The following TMEM123 variants were observed in gnomAD, a reference collection of about 807,000 sequenced individuals.
TMEM123 encodes porimin.
TMEM123 carries 16 observed loss-of-function variants against 19.7 expected under a neutral mutation model. That is an observed-to-expected ratio of 0.81 (90% confidence interval 0.55 to 1.23). TMEM123 has a LOEUF of 1.23. Among genes scored for constraint, TMEM123 ranks in the 50% most tolerant of loss-of-function variants. The probability of loss-of-function intolerance (pLI) is 0.00; values close to 1 mark genes in which losing one functional copy is unlikely to be tolerated. For synonymous variants in TMEM123, 118 were observed against 99.4 expected (o/e 1.19, Z -1.12); for missense variants, 313 against 257.8 (o/e 1.21, Z -1.47).
chr11:102,410,378 G>C (rs1396861660), intron 2 of TMEM123, among the ~76,000 whole-genome samples: 1 of 152,120 alleles, frequency 6.6e-6, no homozygotes, highest in Admixed American at 6.5e-5. Context: ...CTTCCTAGGG[G>C]ATGAGACTAC....
At chr11:102,444,077 G>A (rs768615431) in intron 2 of TMEM123, among the ~76,000 whole-genome samples, 1 of 152,174 alleles carries the variant, frequency 6.6e-6, no homozygotes, top group East Asian at 1.9e-4. Context: ...GGAGACATAG[G>A]AACACTTTTA....
At chr11:102,441,923 C>G (rs1266857578) in intron 2 of TMEM123, among the ~76,000 whole-genome samples, 2 of 152,138 alleles carry the variant, frequency 1.3e-5, no homozygotes, top group Non-Finnish European at 2.9e-5. Flanking sequence ...CTATAAACAC[C>G]TCTACGCAAA....
intron 2 of TMEM123, among the ~76,000 whole-genome samples, chr11:102,408,789 G>T (rs1951977738): frequency 1.3e-5 from 2 of 152,154 alleles, no homozygotes; most frequent in South Asian, 4.2e-4. Flanking sequence ...CACACTACTG[G>T]GATATTTTTG....
chr11:102,441,809 CTAAT>C (rs917253226), intron 2 of TMEM123, among the ~76,000 whole-genome samples: 4 of 150,874 alleles, frequency 2.7e-5, no homozygotes, highest in African/African-American at 9.7e-5. Context: ...ACTAGCAAGA[CTAAT>C]AAAGAAGAAA....
chr11:102,446,532 T>C (rs75681811), intron 2 of TMEM123, among the ~76,000 whole-genome samples: 4 of 152,226 alleles, frequency 2.6e-5, no homozygotes, highest in Admixed American at 1.3e-4. Flanking sequence ...GCAAAATGTA[T>C]ATATTAGTGT....
intron 2 of TMEM123, among the ~76,000 whole-genome samples, chr11:102,405,738 CAA>C (rs1181146226): frequency 6.6e-6 from 1 of 152,108 alleles, no homozygotes; most frequent in Non-Finnish European, 1.5e-5. Flanking sequence ...AGATACTGTA[CAA>C]AGTCACATGG....
chr11:102,417,807 G>A (rs939688144), intron 2 of TMEM123, among the ~76,000 whole-genome samples: 3 of 152,036 alleles, frequency 2.0e-5, no homozygotes, highest in Middle Eastern at 3.4e-3. Context: ...CGGAACAATG[G>A]AACAGGTTAG....
intron 2 of TMEM123, among the ~76,000 whole-genome samples, chr11:102,405,126 G>A (rs932050402): frequency 6.6e-6 from 1 of 150,802 alleles, no homozygotes; most frequent in Non-Finnish European, 1.5e-5. Context: ...TCAGCTCATT[G>A]CAAGCTCCGC....
chr11:102,416,270 A>G (rs771263506), intron 2 of TMEM123, among the ~76,000 whole-genome samples: 9 of 152,188 alleles, frequency 5.9e-5, no homozygotes, highest in Non-Finnish European at 1.0e-4. Flanking sequence ...AGCTAGACTA[A>G]TAAAGAAAAA....
At chr11:102,425,497 C>T (rs1952118344) in intron 2 of TMEM123, among the ~76,000 whole-genome samples, 1 of 151,250 alleles carries the variant, frequency 6.6e-6, no homozygotes, top group Non-Finnish European at 1.5e-5. Flanking sequence ...GTCTGTTTTT[C>T]GTTTGTCCAT....
rs571642802 is a variant in TMEM123, at chr11:102,439,713, GAGA to G, written c.157+9096_157+9098del. On this transcript the variant is annotated intron_variant, in intron 2 of 4. Coordinates refer to ENST00000398136, the MANE Select transcript of TMEM123 (RefSeq NM_052932.3). Reference sequence around the variant, plus strand: ...ACGGAGAATGACTTTGACGAGTTGAGAGAAGAAGGCTTCAGACGATCGGTAATA... The same window carrying G: ...ACGGAGAATGACTTTGACGAGTTGAGAGAAGGCTTCAGACGATCGGTAATA... Among the ~76,000 whole-genome samples the G allele has an allele frequency of 3.5e-4, 54 of 152,356 alleles. No homozygotes were observed. The East Asian group carries it at 8.1e-3, about 23-fold the overall frequency.
At chr11:102,438,369 A>T (rs1053496590) in intron 2 of TMEM123, among the ~76,000 whole-genome samples, 3 of 152,128 alleles carry the variant, frequency 2.0e-5, no homozygotes, top group African/African-American at 7.2e-5. Context: ...TTTTAATCAC[A>T]ACCCAAAATC....
intron 2 of TMEM123, among the ~76,000 whole-genome samples, chr11:102,416,175 A>T (rs1362978723): frequency 6.6e-6 from 1 of 152,198 alleles, no homozygotes; most frequent in Non-Finnish European, 1.5e-5. Context: ...CTGGCCTCCC[A>T]AAGTGTTGGG....
At chr11:102,409,349 A>G (rs1951982579) in intron 2 of TMEM123, among the ~76,000 whole-genome samples, 1 of 152,176 alleles carries the variant, frequency 6.6e-6, no homozygotes, top group Non-Finnish European at 1.5e-5. Context: ...TTTTTAAAAC[A>G]TGAAAACCTT....
chr11:102,431,895 C>T (rs914699768), intron 2 of TMEM123, among the ~76,000 whole-genome samples: 15 of 152,120 alleles, frequency 9.9e-5, no homozygotes, highest in African/African-American at 2.2e-4. Flanking sequence ...GTTTTTTAAG[C>T]GTCTGGCATC....
intron 2 of TMEM123, among the ~76,000 whole-genome samples, chr11:102,422,285 C>A (rs955268066): frequency 6.6e-6 from 1 of 152,078 alleles, no homozygotes; most frequent in Non-Finnish European, 1.5e-5. Context: ...ATCAGCCTGG[C>A]CAACATGACG....
rs1343957213 is a variant in TMEM123 at position 102,401,552 on chromosome 11, G to A, written c.589C>T (p.Arg197Trp). 4 of 1,583,264 alleles carry A rather than the reference G, an allele frequency of 2.5e-6. No individual in the cohort carries two copies. Among genetic ancestry groups the A allele is most frequent in the Non-Finnish European group, 3.4e-6 (4 of 1,171,792 alleles). The change falls in exon 4 of 5, where the codon CGG (arginine) becomes TGG (tryptophan). Residue 197 changes from arginine to tryptophan, a missense_variant. Coordinates refer to ENST00000398136, the MANE Select transcript of TMEM123 (RefSeq NM_052932.3). ...CKMYYSRRGI[R>W]YRTIDEHDAI... Reference sequence around the variant, plus strand: ...TTCAAAACTTACATGGTTCGATACCGAATGCCTCTTCTTGAGTAATACATT... The same window carrying A: ...TTCAAAACTTACATGGTTCGATACCAAATGCCTCTTCTTGAGTAATACATT...
At chr11:102,408,300 T>G (rs557039549) in intron 2 of TMEM123, among the ~76,000 whole-genome samples, 1 of 152,330 alleles carries the variant, frequency 6.6e-6, no homozygotes, top group East Asian at 1.9e-4. Context: ...GTAAAAAATA[T>G]ATTCCAACAG....
rs1366081402 is a variant in TMEM123 at position 102,398,685 on chromosome 11, C to T, written c.*182G>A. On this transcript the variant is annotated 3_prime_UTR_variant, in exon 5 of 5. Coordinates refer to ENST00000398136, the MANE Select transcript of TMEM123 (RefSeq NM_052932.3). Reference sequence around the variant, plus strand: ...TCTATAAGGATCCAGATGTTTATTTCAAAACCCAAACCCTTGTTACCTTGA... The same window carrying T: ...TCTATAAGGATCCAGATGTTTATTTTAAAACCCAAACCCTTGTTACCTTGA... The T allele has an allele frequency of 3.2e-6, 2 of 626,756 alleles. No individual in the cohort carries two copies. Among genetic ancestry groups the T allele is most frequent in the South Asian group, 2.2e-5 (1 of 45,288 alleles). 38.8% of individuals were successfully genotyped at this position (626,756 alleles called of 1,614,324 possible).
Sources: gnomAD v4.1 joint callset for allele counts (sites outside exome capture counted in the v4.1 genomes callset) on GRCh38, gnomAD v4.1.1 for gene constraint, MANE v1.5 for transcripts, NCBI Gene and HGNC (gene_info 2026-07-23, HGNC 2026-07-21) for gene names.